DRD3: variants seen among roughly 807,000 people sequenced by gnomAD.
DRD3 encodes dopamine receptor D3.
Under a neutral mutation model 36.3 loss-of-function variants are expected in DRD3, and 19 were observed. That is an observed-to-expected ratio of 0.52 (90% CI 0.36 to 0.77). The LOEUF is 0.77. DRD3 is among the 30% of genes least tolerant of loss of function. The pLI is 0.00. For missense variants in DRD3, 465 were observed against 505.3 expected, an observed-to-expected ratio of 0.92 and a Z score of 0.77; for synonymous variants, 195 against 203.7, an observed-to-expected ratio of 0.96 and a Z score of 0.36.
intron 3 of DRD3, 131 bp from the exon 4 acceptor site, chr3:114,147,688 G>T: frequency 9.0e-7 from 1 of 1,109,254 alleles, no homozygotes; most frequent in Non-Finnish European, 1.3e-6. Flanking sequence ...GCAGTGGCAT[G>T]ATTACTGTTC....
chr3:114,181,657 T>C (rs535775922), upstream of DRD3, among the ~76,000 whole-genome samples: 2 of 152,312 alleles, frequency 1.3e-5, no homozygotes, highest in Non-Finnish European at 2.9e-5. Context: ...TACTAGCCAA[T>C]GGCCCTTCAT....
intron 4 of DRD3, among the ~76,000 whole-genome samples, chr3:114,145,007 G>A (rs2077558555): frequency 6.6e-6 from 1 of 152,068 alleles, no homozygotes; most frequent in Admixed American, 6.6e-5. Context: ...GACATTAACC[G>A]AGAACTCAGT....
chr3:114,129,361 CA>C (rs1180494298), intron 6 of DRD3, among the ~76,000 whole-genome samples: 1 of 151,612 alleles, frequency 6.6e-6, no homozygotes, highest in South Asian at 2.1e-4. Flanking sequence ...CAAAACAAAA[CA>C]AAAAAAACCC....
chr3:114,171,311 C>T (rs937365735), intron 2 of DRD3, among the ~76,000 whole-genome samples: 5 of 152,072 alleles, frequency 3.3e-5, no homozygotes, highest in South Asian at 4.1e-4. Flanking sequence ...TTCCTTTTTC[C>T]TCCTGGCCTC....
chr3:114,170,710 C>T (rs536719369), intron 2 of DRD3, among the ~76,000 whole-genome samples: 3 of 152,088 alleles, frequency 2.0e-5, no homozygotes, highest in Non-Finnish European at 4.4e-5. Context: ...TTTTGCTCTC[C>T]CGTGATATGT....
chr3:114,142,047 CAAAAAAAAAAAAAA>C (rs771946847), intron 4 of DRD3, among the ~76,000 whole-genome samples: 1 of 64,722 alleles, frequency 1.5e-5, no homozygotes, highest in Non-Finnish European at 2.8e-5. Context: ...GACTCTCTCT[CAAAAAAAAAAAAAA>C]AAAAAAAAAA....
intron 1 of DRD3, among the ~76,000 whole-genome samples, chr3:114,191,613 T>C (rs962237641): frequency 1.3e-5 from 2 of 152,054 alleles, no homozygotes; most frequent in African/African-American, 4.8e-5. Context: ...TGTGTGAGAG[T>C]AGATTACAGC....
upstream of DRD3, among the ~76,000 whole-genome samples, chr3:114,181,934 T>C (rs1030534453): frequency 6.6e-6 from 1 of 152,172 alleles, no homozygotes; most frequent in Non-Finnish European, 1.5e-5. Flanking sequence ...GGAGACTAAA[T>C]GAAGCATTAT....
intron 3 of DRD3, among the ~76,000 whole-genome samples, chr3:114,156,887 TTTCTTC>T: frequency 6.8e-6 from 1 of 146,534 alleles, no homozygotes; most frequent in Non-Finnish European, 1.5e-5. Context: ...TTCTCTTTCT[TTTCTTC>T]TCTTTTCTTC....
chr3:114,146,341 C>A (rs1253959377), intron 4 of DRD3, among the ~76,000 whole-genome samples: 1 of 152,178 alleles, frequency 6.6e-6, no homozygotes, highest in Non-Finnish European at 1.5e-5. Context: ...ACTAATCAAG[C>A]AGCTTTTCCT....
intron 5 of DRD3, among the ~76,000 whole-genome samples, chr3:114,136,071 A>G (rs1327214320): frequency 6.6e-6 from 1 of 152,108 alleles, no homozygotes; most frequent in African/African-American, 2.4e-5. Flanking sequence ...CATTATTTCT[A>G]AAACTAGGGG....
At chr3:114,140,853 T>C (rs973931972) in intron 4 of DRD3, among the ~76,000 whole-genome samples, 1 of 152,162 alleles carries the variant, frequency 6.6e-6, no homozygotes, top group Non-Finnish European at 1.5e-5. Flanking sequence ...AAGTTGGCCT[T>C]GGAAGATGAA....
intron 1 of DRD3, among the ~76,000 whole-genome samples, chr3:114,175,630 C>T (rs2077890914): frequency 6.6e-6 from 1 of 152,182 alleles, no homozygotes; most frequent in African/African-American, 2.4e-5. Flanking sequence ...TATAAAGGAT[C>T]TAAGATCAGA....
chr3:114,178,181 G>A (rs2107894432), intron 1 of DRD3, among the ~76,000 whole-genome samples: 1 of 152,228 alleles, frequency 6.6e-6, no homozygotes, highest in East Asian at 1.9e-4. Context: ...TCTCTGCTGG[G>A]AATAATTGGA....
At chr3:114,189,570 G>T (rs1345068163) in intron 1 of DRD3, among the ~76,000 whole-genome samples, 2 of 152,150 alleles carry the variant, frequency 1.3e-5, no homozygotes, top group African/African-American at 4.8e-5. Context: ...CTTAATAAAG[G>T]CATAGAGATG....
chr3:114,163,454 C>T (rs1277042961), intron 2 of DRD3, among the ~76,000 whole-genome samples: 2 of 151,962 alleles, frequency 1.3e-5, no homozygotes, highest in Non-Finnish European at 2.9e-5. Flanking sequence ...GAGTAATTTG[C>T]CAAATGGAGA....
In DRD3 at chr3:114,128,610, A is replaced by G. The variant is rs533372926; in HGVS notation, c.*106T>C. 8.5e-7 allele frequency: 1 copy of G among 1,170,604 alleles called. No homozygotes were observed. The highest frequency in any genetic ancestry group is 1.5e-5 in the African/African-American group (1 of 64,922). 72.5% of individuals were successfully genotyped at this position (1,170,604 alleles called of 1,614,324 possible). A position where few individuals can be genotyped will look rare whatever the true frequency, so the allele number is the denominator to read the frequency against. ...CAAGCAGGGACATCCTGGCTCCAGG[A>G]ATCTTCTTCCTACTGCATGCCGGAG... On this transcript the variant is annotated 3_prime_UTR_variant, in exon 7 of 7. Transcript: ENST00000383673.
upstream of DRD3, among the ~76,000 whole-genome samples, chr3:114,179,401 A>G (rs867313686): frequency 2.0e-5 from 3 of 152,228 alleles, no homozygotes; most frequent in Non-Finnish European, 4.4e-5. Flanking sequence ...GGCAATAAGG[A>G]TGAAATAAGC....
chr3:114,173,020 TG>T (rs1240239221), intron 1 of DRD3, among the ~76,000 whole-genome samples: 7 of 152,006 alleles, frequency 4.6e-5, no homozygotes, highest in Admixed American at 4.6e-4. Flanking sequence ...CCCAATATGA[TG>T]GTATTAGGAG....
Sources: allele counts gnomAD v4.1 joint callset (sites outside exome capture counted in the v4.1 genomes callset), GRCh38; gene constraint gnomAD v4.1.1; transcripts MANE v1.5; gene names NCBI Gene and HGNC (gene_info 2026-07-23, HGNC 2026-07-21).